The following PTCHD4 variants were observed in gnomAD, a reference collection of about 807,000 sequenced individuals.
PTCHD4 encodes the protein patched domain-containing protein 4.
In PTCHD4, 33 loss-of-function variants were observed where a neutral mutation model predicts 58.1. The ratio of observed to expected loss-of-function variants is 0.57; its 90% CI spans 0.43 to 0.76. PTCHD4 has a LOEUF of 0.76. Ranked by LOEUF, PTCHD4 falls within the 30% of genes least tolerant of loss-of-function variation. The probability of loss-of-function intolerance (pLI) is 0.00; values close to 1 mark genes in which losing one functional copy is unlikely to be tolerated. For synonymous variants in PTCHD4, 478 were observed against 409.6 expected (o/e 1.17, Z -2.02); for missense variants, 1,058 against 1,027.1 (o/e 1.03, Z -0.41).
At chr6:48,059,120 C>G (rs1454924534) in intron 3 of PTCHD4, among the ~76,000 whole-genome samples, 1 of 152,160 alleles carries the variant, frequency 6.6e-6, no homozygotes, top group Non-Finnish European at 1.5e-5. Flanking sequence ...TATAATCTTC[C>G]TACTCAGAGT....
At chr6:48,104,470 A>G (rs1425660871) in intron 1 of PTCHD4, among the ~76,000 whole-genome samples, 1 of 152,212 alleles carries the variant, frequency 6.6e-6, no homozygotes, top group African/African-American at 2.4e-5. Context: ...ATGGAAAGGA[A>G]CAACCGGTAC....
chr6:47,898,865 C>T (rs1347827864), intron 4 of PTCHD4, among the ~76,000 whole-genome samples: 1 of 152,082 alleles, frequency 6.6e-6, no homozygotes, highest in Non-Finnish European at 1.5e-5. Flanking sequence ...AGCAAGTGTC[C>T]TTTCTTTTTA....
intron 3 of PTCHD4, among the ~76,000 whole-genome samples, chr6:48,046,210 T>C (rs908722989): frequency 9.9e-5 from 15 of 151,894 alleles, no homozygotes; most frequent in Non-Finnish European, 2.9e-5. Flanking sequence ...GGTTAAGACC[T>C]TTTCATTGTA....
rs1226446791 is a variant in PTCHD4 at position 47,856,813 on chromosome 6, G to A, written c.*21490C>T. The stretch of plus-strand genomic sequence containing the variant: ...AATAAAAAAGTTAAAATAATTAACA[G>A]CATTCATCAGATTAATTTTGTTTTC... On this transcript the variant is annotated 3_prime_UTR_variant, in exon 5 of 5. Transcript: ENST00000339488. Among the ~76,000 whole-genome samples the A allele has an allele frequency of 6.6e-6, 1 of 151,924 alleles. No homozygotes were observed. The highest frequency in any genetic ancestry group is 1.9e-4 in the East Asian group (1 of 5,166).
In PTCHD4 at chr6:48,008,024, T is replaced by C. The variant is rs146454299; in HGVS notation, c.898+610A>G. Among the ~76,000 whole-genome samples the C allele has an allele frequency of 2.1e-3, 327 of 152,124 alleles. 3 individuals carry two copies. Among genetic ancestry groups the C allele is most frequent in the African/African-American group, 7.5e-3 (310 of 41,496 alleles). On this transcript the variant is annotated intron_variant, in intron 4 of 4. Transcript: ENST00000339488. ...TATAGCTGGAGGAAAACTTACAAGA[T>C]GAGATAATCTTGACTAAGGCTATTC...
At chr6:47,894,907 G>A (rs113155505) in intron 4 of PTCHD4, among the ~76,000 whole-genome samples, 11,588 of 152,260 alleles carry the variant, frequency 0.076, 598 homozygotes, top group Middle Eastern at 0.16. Context: ...TGAGGCAGGT[G>A]GATCATCTGA....
At chr6:47,929,809 T>A (rs1363760799) in intron 4 of PTCHD4, among the ~76,000 whole-genome samples, 2 of 152,256 alleles carry the variant, frequency 1.3e-5, no homozygotes, top group Non-Finnish European at 2.9e-5. Flanking sequence ...TATTATTTGC[T>A]GTTGAATGTG....
At chr6:47,894,638 G>T (rs115116936) in intron 4 of PTCHD4, among the ~76,000 whole-genome samples, 2 of 152,196 alleles carry the variant, frequency 1.3e-5, no homozygotes. Context: ...TTCATTTGGG[G>T]TCTTGGCTAT....
chr6:47,918,620 C>T (rs1765334122), intron 4 of PTCHD4, among the ~76,000 whole-genome samples: 1 of 152,120 alleles, frequency 6.6e-6, no homozygotes, highest in South Asian at 2.1e-4. Context: ...TCATTCATTA[C>T]TGTGGATTCA....
intron 3 of PTCHD4, among the ~76,000 whole-genome samples, chr6:48,024,468 A>C (rs577426765): frequency 3.3e-5 from 5 of 152,214 alleles, no homozygotes; most frequent in Non-Finnish European, 5.9e-5. Flanking sequence ...AAACCTAAAA[A>C]AGTTGGTTCA....
At chr6:47,993,618 A>G (rs936063237) in intron 4 of PTCHD4, among the ~76,000 whole-genome samples, 1 of 152,186 alleles carries the variant, frequency 6.6e-6, no homozygotes, top group Non-Finnish European at 1.5e-5. Context: ...ACTGCTCCTA[A>G]GTCTGCTGAT....
intron 4 of PTCHD4, among the ~76,000 whole-genome samples, chr6:48,007,346 A>G (rs1022876782): frequency 1.3e-5 from 2 of 152,200 alleles, no homozygotes; most frequent in African/African-American, 4.8e-5. Context: ...TATCATATAA[A>G]CACACTTCAT....
chr6:47,907,632 T>C (rs147301785), intron 4 of PTCHD4, among the ~76,000 whole-genome samples: 1 of 152,286 alleles, frequency 6.6e-6, no homozygotes, highest in African/African-American at 2.4e-5. Flanking sequence ...AAAAGTCTGC[T>C]CTCTATCACC....
At chr6:47,940,377 A>AT (rs1174868242) in intron 4 of PTCHD4, among the ~76,000 whole-genome samples, 1 of 152,136 alleles carries the variant, frequency 6.6e-6, no homozygotes, top group Non-Finnish European at 1.5e-5. Context: ...TGTCACCCAT[A>AT]TATTTCACCT....
intron 3 of PTCHD4, among the ~76,000 whole-genome samples, chr6:48,054,013 G>T (rs1300998537): frequency 6.6e-6 from 1 of 152,022 alleles, no homozygotes; most frequent in African/African-American, 2.4e-5. Context: ...TAAGATAGGG[G>T]GATCTTTCTT....
intron 4 of PTCHD4, among the ~76,000 whole-genome samples, chr6:47,987,268 G>A (rs1255240381): frequency 4.6e-5 from 5 of 109,604 alleles, no homozygotes; most frequent in South Asian, 7.5e-4. Context: ...GGGGAGGGGG[G>A]AAGGGGGAGG....
intron 4 of PTCHD4, among the ~76,000 whole-genome samples, chr6:47,999,226 A>G (rs961688712): frequency 3.9e-5 from 6 of 152,210 alleles, no homozygotes; most frequent in Non-Finnish European, 5.9e-5. Context: ...CAAGACATCT[A>G]GCAGGTTAAG....
rs545185172 is a variant in PTCHD4, at chr6:47,879,758, C to T, written c.1077G>A (p.Glu359=). 3.1e-6 allele frequency: 5 copies of T among 1,613,516 alleles called. No individual in the cohort carries two copies. Among genetic ancestry groups the T allele is most frequent in the Non-Finnish European group, 4.2e-6 (5 of 1,179,774 alleles). ...GMGASPFTNI[E]AVKVFCQNMC... ...TGTTTTGACAGAAGACCTTCACAGC[C>T]TCTATGTTTGTGAATGGGCTGGCAC... The change falls in exon 5 of 5, where the codon GAG becomes GAA. Residue 359 remains glutamate, a synonymous_variant. Coordinates refer to ENST00000339488, the MANE Select transcript of PTCHD4 (RefSeq NM_001384253.1).
intron 4 of PTCHD4, among the ~76,000 whole-genome samples, chr6:47,921,403 A>C (rs1422490136): frequency 6.6e-6 from 1 of 152,022 alleles, no homozygotes. Context: ...CTCTCTATTA[A>C]AGACTATTAA....
Sources: allele counts gnomAD v4.1 joint callset (sites outside exome capture counted in the v4.1 genomes callset), GRCh38; gene constraint gnomAD v4.1.1; transcripts MANE v1.5; gene names NCBI Gene and HGNC (gene_info 2026-07-23, HGNC 2026-07-21).